The following WBP1L variants were observed in gnomAD, a reference collection of about 807,000 sequenced individuals.
The protein encoded by WBP1L is WW domain binding protein 1-like.
WBP1L carries 17 observed loss-of-function variants against 33.7 expected under a neutral mutation model. The observed-to-expected ratio is 0.50, with a 90% CI of 0.34 to 0.76. WBP1L has a LOEUF of 0.76. WBP1L is among the 30% of genes least tolerant of loss of function. The probability of loss-of-function intolerance (pLI) is 0.01; values close to 1 mark genes in which losing one functional copy is unlikely to be tolerated. For missense variants in WBP1L, 389 were observed against 469.4 expected, an observed-to-expected ratio of 0.83 and a Z score of 1.58; for synonymous variants, 173 against 190.8, an observed-to-expected ratio of 0.91 and a Z score of 0.77.
In WBP1L at chr10:102,814,876, C is replaced by G. The variant is rs763103773; in HGVS notation, c.*1545C>G. ...TGATGTTATGGAAGAAAGAAAGAAA[C>G]AAACAAAATATATATATATATGTCC... On this transcript the variant is annotated 3_prime_UTR_variant, in exon 4 of 4. Transcript: ENST00000448841. 2 of 152,440 alleles carry G rather than the reference C, an allele frequency of 1.3e-5. No individual in the cohort carries two copies. The highest frequency in any genetic ancestry group is 2.1e-4 in the South Asian group (1 of 4,818). The allele number at this position is 152,440 out of a possible 1,614,324, so 9.4% of individuals were successfully genotyped here.
intron 1 of WBP1L, among the ~76,000 whole-genome samples, chr10:102,789,279 T>C (rs1843462488): frequency 6.6e-6 from 1 of 152,160 alleles, no homozygotes; most frequent in Non-Finnish European, 1.5e-5. Flanking sequence ...TTATTTTAAT[T>C]GTTATACAAA....
chr10:102,767,345 C>T (rs1040925346), intron 1 of WBP1L, among the ~76,000 whole-genome samples: 4 of 152,318 alleles, frequency 2.6e-5, no homozygotes, highest in African/African-American at 9.6e-5. Context: ...CCAGTTTCAG[C>T]TTCTGCTACT....
intron 1 of WBP1L, among the ~76,000 whole-genome samples, chr10:102,746,786 G>C (rs7923711): frequency 0.22 from 32,683 of 152,000 alleles, 3,635 homozygotes; most frequent in Middle Eastern, 0.32. Flanking sequence ...TAATGGTATT[G>C]GTACCTTATT....
At chr10:102,757,347 A>G (rs1421278953) in intron 1 of WBP1L, among the ~76,000 whole-genome samples, 2 of 152,218 alleles carry the variant, frequency 1.3e-5, no homozygotes, top group Non-Finnish European at 2.9e-5. Flanking sequence ...TTTGCACATC[A>G]TCGTGCCCTT....
chr10:102,801,943 C>A (rs1445203761), intron 2 of WBP1L, among the ~76,000 whole-genome samples: 1 of 87,084 alleles, frequency 1.1e-5, no homozygotes, highest in Non-Finnish European at 2.3e-5. Flanking sequence ...TTTCCTCCCC[C>A]CTCCCTCCCA....
Position 102,812,786 on chromosome 10 carries a change from T to A in WBP1L, c.547T>A (p.Ser183Thr). The A allele has an allele frequency of 6.2e-7, 1 of 1,608,444 alleles. No individual in the cohort carries two copies. Among genetic ancestry groups the A allele is most frequent in the Non-Finnish European group, 8.5e-7 (1 of 1,177,622 alleles). The change falls in exon 4 of 4, where the codon TCT becomes ACT. Residue 183 changes from serine (S) to threonine (T), a missense_variant. Transcript: ENST00000448841. The stretch of plus-strand genomic sequence containing the variant: ...CCAGGGGGCACAGAGCAGCCCCTTG[T>A]CTGAGCCCAGCAGAAGCAGCACAAG... ...GSQGAQSSPLSEPSRSSTRPP... is the reference protein window; with the variant it reads ...GSQGAQSSPLTEPSRSSTRPP...
intron 1 of WBP1L, among the ~76,000 whole-genome samples, chr10:102,779,221 G>A (rs753941713): frequency 1.3e-4 from 19 of 151,550 alleles, no homozygotes; most frequent in South Asian, 2.1e-4. Flanking sequence ...GCTTAAACCC[G>A]GGAGGGGAAG....
chr10:102,788,224 GT>G (rs1261942085), intron 1 of WBP1L, among the ~76,000 whole-genome samples: 1 of 150,690 alleles, frequency 6.6e-6, no homozygotes, highest in Non-Finnish European at 1.5e-5. Flanking sequence ...TGCCTCCTGG[GT>G]TCATGCCATT....
chr10:102,757,373 T>C (rs905688679), intron 1 of WBP1L, among the ~76,000 whole-genome samples: 6 of 152,160 alleles, frequency 3.9e-5, no homozygotes, highest in African/African-American at 1.4e-4. Context: ...AGAAGAGTGA[T>C]GGGGTCACCG....
rs1280912706 is a variant in WBP1L at position 102,750,078 on chromosome 10, G to C, written c.90+5935G>C. On this transcript the variant is annotated intron_variant, in intron 1 of 3. Transcript: ENST00000448841. The stretch of plus-strand genomic sequence containing the variant: ...ATTACAGGCGTTAGCGACCACGCCT[G>C]GCTGCCCATATTTAATTTTTTATAT... Among the ~76,000 whole-genome samples, 4 of 151,664 alleles carry C rather than the reference G, an allele frequency of 2.6e-5. No homozygotes were observed. In the East Asian group the frequency reaches 5.9e-4, roughly 22 times the overall value.
chr10:102,757,885 CCCTTTTTTTT>C (rs1317863881), intron 1 of WBP1L, among the ~76,000 whole-genome samples: 3 of 57,038 alleles, frequency 5.3e-5, no homozygotes, highest in African/African-American at 1.4e-4. Context: ...CTCCCCCCCC[CCCTTTTTTTT>C]TTTTTTTTGA....
intron 1 of WBP1L, among the ~76,000 whole-genome samples, chr10:102,768,899 A>AG (rs940158048): frequency 6.6e-5 from 10 of 151,712 alleles, no homozygotes; most frequent in African/African-American, 1.9e-4. Context: ...CGTGTTAGCC[A>AG]GGATGGTCTT....
intron 1 of WBP1L, among the ~76,000 whole-genome samples, chr10:102,751,435 T>A (rs962681396): frequency 6.6e-6 from 1 of 151,610 alleles, no homozygotes; most frequent in African/African-American, 2.4e-5. Flanking sequence ...TCAGCCCTCC[T>A]AGTAGCTGGA....
rs375723503 is a variant in WBP1L, at chr10:102,746,848, G to GCACAATCTTTTTTTTACATA, written c.90+2710_90+2729dup. ...TTACAATACAATCTTTTTTTTACAT[G>GCACAATCTTTTTTTTACATA]CACAATCTTTTTTTTACATACACAT... On this transcript the variant is annotated intron_variant, in intron 1 of 3. Transcript: ENST00000448841. 7.3e-3 allele frequency among the ~76,000 whole-genome samples: 1,113 copies of GCACAATCTTTTTTTTACATA among 151,960 alleles called. 21 individuals are homozygous for GCACAATCTTTTTTTTACATA. Among genetic ancestry groups the GCACAATCTTTTTTTTACATA allele is most frequent in the African/African-American group, 0.026 (1,057 of 41,404 alleles).
At chr10:102,759,075 T>C (rs913283621) in intron 1 of WBP1L, among the ~76,000 whole-genome samples, 2 of 152,182 alleles carry the variant, frequency 1.3e-5, no homozygotes, top group African/African-American at 4.8e-5. Flanking sequence ...CGGATGACTG[T>C]GGGCAGGCCT....
At position 102,813,444 on chromosome 10, in the gene WBP1L, T is replaced by C; in HGVS notation, c.*113T>C. The C allele has an allele frequency of 8.8e-6, 12 of 1,368,868 alleles. No homozygotes were observed. The highest frequency in any genetic ancestry group is 1.2e-5 in the Non-Finnish European group (12 of 1,033,830). 84.8% of individuals were successfully genotyped at this position (1,368,868 alleles called of 1,614,324 possible). On this transcript the variant is annotated 3_prime_UTR_variant, in exon 4 of 4. Coordinates refer to ENST00000448841, the MANE Select transcript of WBP1L (RefSeq NM_001083913.2). ...TTTCAGAGTACAGCCACTTGGTTCC[T>C]TTTTGTTTGTTTTCCTTCTCCTCTC...
At chr10:102,768,363 A>AGTTTTTT (rs1590172964) in intron 1 of WBP1L, among the ~76,000 whole-genome samples, 4 of 46,242 alleles carry the variant, frequency 8.7e-5, no homozygotes, top group Non-Finnish European at 1.4e-4. Context: ...GCCTGGCATT[A>AGTTTTTT]GTTTTTTGTT....
chr10:102,812,473 G>A, intron 3 of WBP1L, 122 bp from the exon 4 acceptor site: 1 of 1,167,282 alleles, frequency 8.6e-7, no homozygotes, highest in Non-Finnish European at 1.2e-6. Flanking sequence ...AAGAGCTGTA[G>A]CCATCACTTG....
intron 1 of WBP1L, among the ~76,000 whole-genome samples, chr10:102,767,149 T>C (rs750222199): frequency 2.0e-4 from 31 of 152,224 alleles, no homozygotes; most frequent in Non-Finnish European, 4.0e-4. Context: ...GCCCATTAAC[T>C]ATTGGTGAAG....
Sources: gnomAD v4.1 joint callset for allele counts (sites outside exome capture counted in the v4.1 genomes callset) on GRCh38, gnomAD v4.1.1 for gene constraint, MANE v1.5 for transcripts, NCBI Gene and HGNC (gene_info 2026-07-23, HGNC 2026-07-21) for gene names.